Variants in LARGE1 observed in about 807,000 individuals in gnomAD.
LARGE1 encodes the protein xylosyl- and glucuronyltransferase LARGE1.
LARGE1 carries 43 observed loss-of-function variants against 87.6 expected under a neutral mutation model. That is an observed-to-expected ratio of 0.49 (90% CI 0.38 to 0.63). LARGE1 has a LOEUF of 0.63. Ranked by LOEUF, LARGE1 falls within the 30% of genes least tolerant of loss-of-function variation. LARGE1 has a pLI of 0.00. For synonymous variants in LARGE1, 434 were observed against 394.6 expected (o/e 1.10, Z -1.18); for missense variants, 802 against 1,000.2 (o/e 0.80, Z 2.67).
chr22:33,770,177 C>A (rs1372521900), intron 1 of LARGE1, among the ~76,000 whole-genome samples: 1 of 152,174 alleles, frequency 6.6e-6, no homozygotes, highest in Non-Finnish European at 1.5e-5. Flanking sequence ...AATCTTTTTG[C>A]ATGTATAGCC....
intron 5 of LARGE1, among the ~76,000 whole-genome samples, chr22:33,566,564 C>T (rs1240555671): frequency 2.6e-5 from 4 of 152,076 alleles, no homozygotes; most frequent in African/African-American, 9.7e-5. Flanking sequence ...TGGCGCAGAC[C>T]CAAAGAGTGA....
intron 12 of LARGE1, among the ~76,000 whole-genome samples, chr22:33,292,657 G>A (rs926970781): frequency 6.6e-6 from 1 of 152,110 alleles, no homozygotes; most frequent in Non-Finnish European, 1.5e-5. Flanking sequence ...TATGGGATTG[G>A]AGCCACAGAG....
At chr22:33,072,006 A>G in the LARGE1 span, among the ~76,000 whole-genome samples, 1 of 152,154 alleles carries the variant, frequency 6.6e-6, no homozygotes, top group South Asian at 2.1e-4. Flanking sequence ...GGAGCACTAC[A>G]GGTCCTTTAT....
At chr22:33,785,038 TATGTGTATACATAC>T (rs1415904479) in intron 1 of LARGE1, among the ~76,000 whole-genome samples, 3 of 150,646 alleles carry the variant, frequency 2.0e-5, no homozygotes, top group African/African-American at 7.3e-5. Flanking sequence ...TATATACATA[TATGTGTATACATAC>T]ATGTGTATAT....
chr22:33,544,245 T>C (rs768246502), intron 6 of LARGE1, among the ~76,000 whole-genome samples: 27 of 152,212 alleles, frequency 1.8e-4, no homozygotes, highest in Non-Finnish European at 3.4e-4. Flanking sequence ...TAATAAATCA[T>C]ATCTGTGAGT....
chr22:33,656,009 T>C (rs980596479), intron 2 of LARGE1, among the ~76,000 whole-genome samples: 4 of 152,192 alleles, frequency 2.6e-5, no homozygotes, highest in Non-Finnish European at 1.5e-5. Flanking sequence ...TTAACTTTTC[T>C]GTGACTCAGT....
At chr22:33,113,608 G>T in the LARGE1 span, among the ~76,000 whole-genome samples, 2 of 152,192 alleles carry the variant, frequency 1.3e-5, no homozygotes, top group Non-Finnish European at 2.9e-5. Context: ...GCCCAGAGTT[G>T]CACAGCTTGT....
At chr22:33,827,421 G>A (rs924056626) in intron 1 of LARGE1, among the ~76,000 whole-genome samples, 1 of 151,948 alleles carries the variant, frequency 6.6e-6, no homozygotes, top group African/African-American at 2.4e-5. Context: ...TCGCCCCTCT[G>A]TCCCCCCGCC....
intron 11 of LARGE1, among the ~76,000 whole-genome samples, chr22:33,188,045 A>G (rs950587567): frequency 2.7e-5 from 4 of 150,926 alleles, no homozygotes; most frequent in African/African-American, 9.7e-5. Context: ...TGATTTAGCC[A>G]TTCCACAACG....
At chr22:33,284,985 G>C (rs188404578) in intron 12 of LARGE1, among the ~76,000 whole-genome samples, 4 of 152,138 alleles carry the variant, frequency 2.6e-5, no homozygotes, top group Non-Finnish European at 5.9e-5. Flanking sequence ...TTGGTCCCTC[G>C]TCCCTAAAAT....
intron 1 of LARGE1, among the ~76,000 whole-genome samples, chr22:33,861,805 G>T (rs1449860718): frequency 1.3e-5 from 2 of 151,794 alleles, no homozygotes; most frequent in African/African-American, 4.8e-5. Context: ...GGCAGGGAAG[G>T]TGACCATTCC....
the LARGE1 span, among the ~76,000 whole-genome samples, chr22:33,094,608 T>C: frequency 6.6e-6 from 1 of 152,198 alleles, no homozygotes; most frequent in Non-Finnish European, 1.5e-5. Context: ...TTTTTTTTTT[T>C]TGATTAATGA....
At chr22:33,622,031 G>A (rs1022191193) in intron 4 of LARGE1, among the ~76,000 whole-genome samples, 4 of 152,166 alleles carry the variant, frequency 2.6e-5, no homozygotes, top group African/African-American at 7.2e-5. Context: ...GGGAATTGAG[G>A]CCCTGAGTTT....
At chr22:33,452,033 T>C (rs2067953740) in intron 6 of LARGE1, among the ~76,000 whole-genome samples, 1 of 152,206 alleles carries the variant, frequency 6.6e-6, no homozygotes, top group South Asian at 2.1e-4. Context: ...CCGAATCTGC[T>C]CATCTGTTCA....
intron 1 of LARGE1, among the ~76,000 whole-genome samples, chr22:33,859,335 C>T (rs1352688726): frequency 1.3e-5 from 2 of 152,114 alleles, no homozygotes; most frequent in African/African-American, 4.8e-5. Context: ...AACAAACGCA[C>T]GAGCTTTGGG....
At chr22:33,524,448 T>C (rs1253229314) in intron 6 of LARGE1, among the ~76,000 whole-genome samples, 1 of 152,134 alleles carries the variant, frequency 6.6e-6, no homozygotes, top group Non-Finnish European at 1.5e-5. Flanking sequence ...ATAAGTTTCT[T>C]AGTACAGGAT....
intron 1 of LARGE1, among the ~76,000 whole-genome samples, chr22:33,832,529 G>A (rs564292752): frequency 2.0e-5 from 3 of 152,156 alleles, no homozygotes; most frequent in South Asian, 2.1e-4. Context: ...CAGGCTTCAC[G>A]CAAGCTGTGG....
At chr22:33,188,122 A>T (rs979405785) in intron 11 of LARGE1, among the ~76,000 whole-genome samples, 6 of 151,862 alleles carry the variant, frequency 4.0e-5, no homozygotes, top group East Asian at 1.9e-4. Context: ...TCAATTAAAA[A>T]TTTTTTCCAA....
At chr22:33,071,788 T>G in the LARGE1 span, among the ~76,000 whole-genome samples, 3 of 152,212 alleles carry the variant, frequency 2.0e-5, no homozygotes, top group Admixed American at 1.3e-4. Flanking sequence ...TGATTACTTC[T>G]GATGTCCAGG....
Sources: allele counts gnomAD v4.1 joint callset (sites outside exome capture counted in the v4.1 genomes callset), GRCh38; gene constraint gnomAD v4.1.1; transcripts MANE v1.5; gene names NCBI Gene and HGNC (gene_info 2026-07-23, HGNC 2026-07-21).